The following APBB1 variants were observed in gnomAD, a reference collection of about 807,000 sequenced individuals.
The protein encoded by APBB1 is amyloid beta precursor protein binding family B member 1.
A neutral mutation model predicts 78.4 loss-of-function variants in APBB1; 22 were observed. The observed-to-expected ratio is 0.28, with a 90% CI of 0.20 to 0.40. The LOEUF is 0.40. APBB1 is among the 10% of genes least tolerant of loss of function. The probability of loss-of-function intolerance (pLI) is 1.00; values close to 1 mark genes in which losing one functional copy is unlikely to be tolerated. For missense variants in APBB1, 749 were observed against 932.4 expected (o/e 0.80, Z 2.56); for synonymous variants, 369 against 372.7 (o/e 0.99, Z 0.12).
Position 6,401,658 on chromosome 11 carries a change from C to G in APBB1, c.1419G>C (p.Leu473=). Residue 473 remains leucine (L), a synonymous_variant, in exon 10 of 15, where the codon CTG becomes CTC. Transcript: ENST00000609360. This position sits in a 1 kb window ranked among gnomAD's most constrained non-coding sequence, Gnocchi z 4.5. ...RDFAYVARDK[L]TQMLKCHVFR... is the part of the protein sequence containing the mutation. ...ACACGTGGCACTTGAGCATCTGGGT[C>G]AGCTTATCACGAGCTACGTAGGCAA... 6.2e-7 allele frequency: 1 copy of G among 1,614,154 alleles called. No individual in the cohort carries two copies. The highest frequency in any genetic ancestry group is 1.3e-5 in the African/African-American group (1 of 75,032).
intron 2 of APBB1, chr11:6,404,501 G>A (rs1412054344): frequency 3.0e-6 from 4 of 1,345,290 alleles, no homozygotes; most frequent in East Asian, 2.5e-5. Flanking sequence ...CAGACACACG[G>A]CACACGTCAA....
chr11:6,419,137 G>C, upstream of APBB1: 1 of 359,156 alleles, frequency 2.8e-6, no homozygotes, highest in Non-Finnish European at 4.9e-6. Flanking sequence ...GCAAGGGGAG[G>C]GGGAGGGGCG....
intron 2 of APBB1, among the ~76,000 whole-genome samples, chr11:6,408,847 C>A (rs753783300): frequency 1.3e-5 from 2 of 152,170 alleles, no homozygotes; most frequent in Non-Finnish European, 2.9e-5. Flanking sequence ...CCATGTTAAC[C>A]AGGCTGTTTC....
At chr11:6,413,556 C>G (rs1849037202) in intron 1 of APBB1, among the ~76,000 whole-genome samples, 1 of 152,224 alleles carries the variant, frequency 6.6e-6, no homozygotes, top group African/African-American at 2.4e-5. Context: ...TCTCAGCTCA[C>G]TGCAACCTCC....
chr11:6,403,923 G>GT lies in APBB1; in HGVS notation c.722-102dup. The GT allele has an allele frequency of 7.8e-7, 1 of 1,286,948 alleles. No homozygotes were observed. The allele number at this position is 1,286,948 out of a possible 1,614,324, so 79.7% of individuals were successfully genotyped here. ...GAGACCCCATGGTTGAGAAGGGGTGGTGGAAGAGCTATACCACAACACAGT... is the reference window on the plus strand; with the variant it reads ...GAGACCCCATGGTTGAGAAGGGGTGGTTGGAAGAGCTATACCACAACACAGT... On this transcript the variant is annotated intron_variant, in intron 2 of 14. Transcript: ENST00000609360. The surrounding 1 kb of genome is among the most constrained non-coding windows in gnomAD (Gnocchi z 5.3).
intron 1 of APBB1, among the ~76,000 whole-genome samples, chr11:6,413,672 T>A (rs540704599): frequency 5.9e-5 from 9 of 151,698 alleles, no homozygotes; most frequent in African/African-American, 2.2e-4. Context: ...GGTTTCACCA[T>A]GTTGGCCAGG....
At chr11:6,406,814 G>C (rs1178205006) in intron 2 of APBB1, among the ~76,000 whole-genome samples, 1 of 152,088 alleles carries the variant, frequency 6.6e-6, no homozygotes, top group Non-Finnish European at 1.5e-5. Context: ...TCACAGGCAG[G>C]GTCAGGGGCC....
At position 6,401,093 on chromosome 11, in the gene APBB1, T is replaced by C. The variant is rs1471632129; in HGVS notation, c.1589-21A>G. 2 of 1,614,066 alleles carry C rather than the reference T, an allele frequency of 1.2e-6. No homozygotes were observed. The highest frequency in any genetic ancestry group is 3.3e-5 in the Admixed American group (2 of 60,020). Reference sequence around the variant, plus strand: ...TTCCACTATGGGAAAGAAGAGAAGGTTGATCATGGTGGCAGACCTTGCTCA... The same window carrying C: ...TTCCACTATGGGAAAGAAGAGAAGGCTGATCATGGTGGCAGACCTTGCTCA... On this transcript the variant is annotated intron_variant, in intron 11 of 14. Transcript: ENST00000609360. This position sits in a 1 kb window ranked among gnomAD's most constrained non-coding sequence, Gnocchi z 4.5.
intron 2 of APBB1, among the ~76,000 whole-genome samples, chr11:6,408,699 T>C (rs1256369087): frequency 1.3e-5 from 2 of 152,156 alleles, no homozygotes; most frequent in Non-Finnish European, 2.9e-5. Context: ...AGACAAGGTT[T>C]CACCATGTTG....
intron 7 of APBB1, 79 bp downstream of exon 7, chr11:6,402,497 G>T: frequency 6.8e-7 from 1 of 1,464,342 alleles, no homozygotes; most frequent in Non-Finnish European, 9.5e-7. Flanking sequence ...CTGCTTGTGG[G>T]CAGGTCAGAC....
Position 6,401,377 on chromosome 11 carries a change from T to C in APBB1, c.1556A>G (p.Asp519Gly), listed in dbSNP as rs1564935761. The C allele has an allele frequency of 6.2e-7, 1 of 1,613,928 alleles. No homozygotes were observed. The highest frequency in any genetic ancestry group is 8.5e-7 in the Non-Finnish European group (1 of 1,180,024). ...AGGGACATCCACAAGTTTAGAGTGG[T>C]CCAGGGAGAGTCCATTTACCAAGCA... ...ARCLVNGLSL[D>G]HSKLVDVPFQ... is the part of the protein sequence containing the mutation. Residue 519 changes from aspartate (D) to glycine (G), a missense_variant, in exon 11 of 15, where the codon GAC (aspartate) becomes GGC (glycine). Physicochemically the swap from Asp to Gly is moderately conservative, Grantham distance 94 (BLOSUM62 -1). Around this residue, in one of 3 missense-constraint regions of APBB1, gnomAD observed 635 missense variants for 765.0 expected, o/e 0.83. Coordinates refer to ENST00000609360, the MANE Select transcript of APBB1 (RefSeq NM_001164.5). The surrounding 1 kb of genome is among the most constrained non-coding windows in gnomAD (Gnocchi z 4.5).
In APBB1 at chr11:6,403,277, C is replaced by T; in HGVS notation, c.1040+42G>A. 1 of 1,612,184 alleles carries T rather than the reference C, an allele frequency of 6.2e-7. No homozygotes were observed. The stretch of plus-strand genomic sequence containing the variant: ...GAGCTGTCCCAAGGCCCCTTCCAGA[C>T]AGATCCATCCCACTGCCAGCTCACT... On this transcript the variant is annotated intron_variant, in intron 5 of 14. Coordinates refer to ENST00000609360, the MANE Select transcript of APBB1 (RefSeq NM_001164.5). The surrounding 1 kb of genome is among the most constrained non-coding windows in gnomAD (Gnocchi z 5.3).
chr11:6,397,829 T>C (rs1248198772), intron 12 of APBB1, among the ~76,000 whole-genome samples: 1 of 152,230 alleles, frequency 6.6e-6, no homozygotes, highest in Non-Finnish European at 1.5e-5. Context: ...TCCAGATGCA[T>C]GAGCAAGTCA....
chr11:6,404,915 T>G, intron 2 of APBB1: 2 of 1,471,840 alleles, frequency 1.4e-6, no homozygotes, highest in Non-Finnish European at 8.9e-7. Context: ...CGCCCCCTTC[T>G]CACCAGGGCA....
chr11:6,401,406 G>T lies in APBB1; in HGVS notation c.1527C>A (p.Ala509=). 1 of 1,614,024 alleles carries T rather than the reference G, an allele frequency of 6.2e-7. No homozygotes were observed. Among genetic ancestry groups the T allele is most frequent in the Non-Finnish European group, 8.5e-7 (1 of 1,179,990 alleles). ...CSKIMAERRN[A]RCLVNGLSLD... The stretch of plus-strand genomic sequence containing the variant: ...GGGAGAGTCCATTTACCAAGCAGCG[G>T]GCATTACGCCGTTCGGCCATGATCT... Residue 509 remains alanine, a synonymous_variant, in exon 11 of 15, where the codon GCC becomes GCA. Transcript: ENST00000609360. This position sits in a 1 kb window ranked among gnomAD's most constrained non-coding sequence, Gnocchi z 4.5.
At chr11:6,416,972 G>C (rs61563467) in intron 1 of APBB1, among the ~76,000 whole-genome samples, 51 of 152,320 alleles carry the variant, frequency 3.3e-4, no homozygotes, top group African/African-American at 1.2e-3. Context: ...CTGAACTCCT[G>C]ACCTCAGGTG....
At chr11:6,416,155 A>C (rs567881617) in intron 1 of APBB1, among the ~76,000 whole-genome samples, 5 of 152,066 alleles carry the variant, frequency 3.3e-5, no homozygotes, top group African/African-American at 1.2e-4. Flanking sequence ...TGAATCTCTC[A>C]TCCAGCCTCT....
At chr11:6,402,420 G>GA in intron 7 of APBB1, 156 bp downstream of exon 7, 2 of 1,081,118 alleles carry the variant, frequency 1.8e-6, no homozygotes, top group Non-Finnish European at 2.7e-6. Flanking sequence ...CAAGGTCCTG[G>GA]CCTGGGGTCG....
In APBB1 at chr11:6,403,625, T is replaced by C. The variant is rs1848649804; in HGVS notation, c.897+22A>G. The stretch of plus-strand genomic sequence containing the variant: ...CACTCCCTCCACCCCTGGCCCAAAA[T>C]CAACAGGCCTGTGAGCCTCACCTGG... On this transcript the variant is annotated intron_variant, in intron 3 of 14. Transcript: ENST00000609360. This position sits in a 1 kb window ranked among gnomAD's most constrained non-coding sequence, Gnocchi z 5.3. The C allele has an allele frequency of 6.2e-7, 1 of 1,612,212 alleles. No individual in the cohort carries two copies. The highest frequency in any genetic ancestry group is 1.1e-5 in the South Asian group (1 of 90,914).
Sources: gnomAD v4.1 joint callset for allele counts (sites outside exome capture counted in the v4.1 genomes callset) on GRCh38, gnomAD v4.1.1 for gene constraint, gnomAD v4.1.1 regional missense constraint, Gnocchi (gnomAD v3.1) non-coding constraint, MANE v1.5 for transcripts, NCBI Gene and HGNC (gene_info 2026-07-23, HGNC 2026-07-21) for gene names.